The following CNTNAP2 variants were observed in gnomAD, a reference collection of about 807,000 sequenced individuals.
CNTNAP2 encodes the protein contactin associated protein 2.
CNTNAP2 carries 98 observed loss-of-function variants against 155.2 expected under a neutral mutation model. The observed-to-expected ratio is 0.63, with a 90% CI of 0.54 to 0.75. The LOEUF is 0.75. Ranked by LOEUF, CNTNAP2 falls within the 30% of genes least tolerant of loss-of-function variation. The pLI is 0.00. For synonymous variants in CNTNAP2, 651 were observed against 631.2 expected (o/e 1.03, Z -0.47); for missense variants, 1,727 against 1,688.1 (o/e 1.02, Z -0.40).
chr7:146,945,003 A>C (rs1228004972), intron 3 of CNTNAP2, among the ~76,000 whole-genome samples: 2 of 152,154 alleles, frequency 1.3e-5, no homozygotes, highest in African/African-American at 4.8e-5. Flanking sequence ...ATTTCTTTTT[A>C]TATTTTTCTT....
intron 15 of CNTNAP2, among the ~76,000 whole-genome samples, chr7:148,086,800 GTCTA>G (rs1803739499): frequency 6.6e-6 from 1 of 152,174 alleles, no homozygotes. Context: ...AGATCCAGGT[GTCTA>G]AGGAGATTCA....
chr7:147,727,967 A>G (rs573987371), intron 13 of CNTNAP2, among the ~76,000 whole-genome samples: 1 of 152,074 alleles, frequency 6.6e-6, no homozygotes, highest in Admixed American at 6.6e-5. Context: ...ATCAATGTGC[A>G]TCTTGTTATG....
At chr7:147,111,100 T>A (rs1800869216) in intron 5 of CNTNAP2, among the ~76,000 whole-genome samples, 2 of 152,218 alleles carry the variant, frequency 1.3e-5, no homozygotes, top group African/African-American at 4.8e-5. Flanking sequence ...TCATTGCAGT[T>A]TTGATTTGCA....
chr7:147,801,968 T>A (rs1265545259), intron 13 of CNTNAP2, among the ~76,000 whole-genome samples: 3 of 145,962 alleles, frequency 2.1e-5, no homozygotes, highest in Non-Finnish European at 3.0e-5. Flanking sequence ...CACCCCCACC[T>A]CCCTCCCGGA....
At chr7:148,364,466 A>C (rs1225919078) in intron 21 of CNTNAP2, among the ~76,000 whole-genome samples, 1 of 141,322 alleles carries the variant, frequency 7.1e-6, no homozygotes, top group Non-Finnish European at 1.5e-5. Context: ...ACTTTTATGT[A>C]TAGCTCAAGG....
At chr7:147,584,955 C>T (rs1425611129) in intron 12 of CNTNAP2, among the ~76,000 whole-genome samples, 8 of 152,202 alleles carry the variant, frequency 5.3e-5, no homozygotes, top group African/African-American at 1.4e-4. Flanking sequence ...CCAGGACAGA[C>T]GTTGATTGGC....
chr7:147,549,549 G>T (rs1021512148), intron 11 of CNTNAP2, among the ~76,000 whole-genome samples: 1 of 152,156 alleles, frequency 6.6e-6, no homozygotes, highest in African/African-American at 2.4e-5. Flanking sequence ...TCTGCAAACA[G>T]AGACAACTGG....
intron 1 of CNTNAP2, among the ~76,000 whole-genome samples, chr7:146,759,798 C>T (rs969714158): frequency 1.3e-5 from 2 of 151,206 alleles, no homozygotes. Context: ...TCTTTATTTT[C>T]CAGGTTACCC....
chr7:147,595,955 T>A (rs998060098), intron 12 of CNTNAP2, among the ~76,000 whole-genome samples: 4 of 152,238 alleles, frequency 2.6e-5, no homozygotes, highest in African/African-American at 9.6e-5. Context: ...ATAAATGTTT[T>A]GTTTTTGTTT....
chr7:148,375,774 C>CTCATAATATCACATCGCCCTCCCCAAA (rs1585319970), intron 21 of CNTNAP2, among the ~76,000 whole-genome samples: 3 of 76,564 alleles, frequency 3.9e-5, no homozygotes, highest in African/African-American at 7.0e-5. Flanking sequence ...GCAGGTGGAT[C>CTCATAATATCACATCGCCCTCCCCAAA]ACGAGGTCAG....
At chr7:147,244,166 G>A (rs1804002929) in intron 8 of CNTNAP2, among the ~76,000 whole-genome samples, 1 of 152,026 alleles carries the variant, frequency 6.6e-6, no homozygotes, top group Non-Finnish European at 1.5e-5. Context: ...TTCATCCTGG[G>A]TCTGGCAAGA....
chr7:147,479,739 T>TAG (rs1798388823), intron 10 of CNTNAP2, among the ~76,000 whole-genome samples: 1 of 152,010 alleles, frequency 6.6e-6, no homozygotes, highest in African/African-American at 2.4e-5. Flanking sequence ...CTTGCTTTTT[T>TAG]TTTAATGAAA....
intron 15 of CNTNAP2, among the ~76,000 whole-genome samples, chr7:148,024,717 A>G (rs17170792): frequency 0.045 from 6,844 of 152,268 alleles, 283 homozygotes; most frequent in East Asian, 0.26. Context: ...AGTTTTTAGC[A>G]AAGGTGAGAA....
intron 1 of CNTNAP2, among the ~76,000 whole-genome samples, chr7:146,670,054 C>T (rs73166355): frequency 0.056 from 8,515 of 152,070 alleles, 459 homozygotes; most frequent in African/African-American, 0.13. Context: ...TATAAAGGCC[C>T]GCTGTCTGTC....
At chr7:148,171,708 C>G (rs981284755) in intron 17 of CNTNAP2, among the ~76,000 whole-genome samples, 1 of 152,166 alleles carries the variant, frequency 6.6e-6, no homozygotes, top group Non-Finnish European at 1.5e-5. Context: ...TTCCAGCTAC[C>G]CCAGACAAGG....
chr7:147,627,241 T>C (rs575362085), intron 12 of CNTNAP2, among the ~76,000 whole-genome samples: 2 of 152,092 alleles, frequency 1.3e-5, no homozygotes, highest in African/African-American at 4.8e-5. Flanking sequence ...GTAATTCTGG[T>C]AATGTAACAA....
At chr7:147,622,737 C>T (rs1794889278) in intron 12 of CNTNAP2, among the ~76,000 whole-genome samples, 1 of 151,670 alleles carries the variant, frequency 6.6e-6, no homozygotes, top group South Asian at 2.1e-4. Flanking sequence ...AAAGCAAGAG[C>T]AAACCAAACT....
At chr7:148,411,327 G>A (rs1322113888) in intron 23 of CNTNAP2, among the ~76,000 whole-genome samples, 2 of 152,096 alleles carry the variant, frequency 1.3e-5, no homozygotes, top group African/African-American at 2.4e-5. Context: ...GTGCAGTGGC[G>A]TGATCTCAGT....
chr7:147,277,812 G>A (rs1362878586), intron 8 of CNTNAP2, among the ~76,000 whole-genome samples: 1 of 150,464 alleles, frequency 6.6e-6, no homozygotes, highest in African/African-American at 2.4e-5. Flanking sequence ...TATTGATAGT[G>A]GCCACAATAA....
Sources: allele counts gnomAD v4.1 joint callset (sites outside exome capture counted in the v4.1 genomes callset), GRCh38; gene constraint gnomAD v4.1.1; transcripts MANE v1.5; gene names NCBI Gene and HGNC (gene_info 2026-07-23, HGNC 2026-07-21).